The following IMMP2L variants were observed in gnomAD, a reference collection of about 807,000 sequenced individuals.
IMMP2L encodes mitochondrial inner membrane protease subunit 2.
IMMP2L carries 18 observed loss-of-function variants against 19.3 expected under a neutral mutation model. The ratio of observed to expected loss-of-function variants is 0.93; its 90% confidence interval spans 0.64 to 1.38. The LOEUF is 1.38. IMMP2L is among the 40% of genes most tolerant of loss of function. The probability of loss-of-function intolerance (pLI) is 0.00; values close to 1 mark genes in which losing one functional copy is unlikely to be tolerated. For missense variants in IMMP2L, 233 were observed against 218.2 expected, an observed-to-expected ratio of 1.07 and a Z score of -0.43; for synonymous variants, 76 against 73.0, an observed-to-expected ratio of 1.04 and a Z score of -0.21.
At chr7:111,122,806 C>T in intron 3 of IMMP2L, 1 of 1,613,574 alleles carries the variant, frequency 6.2e-7, no homozygotes, top group Non-Finnish European at 8.5e-7. Context: ...TCATGTGCTA[C>T]TTGGCCTAGC....
chr7:110,725,158 C>T (rs904079471), intron 5 of IMMP2L, among the ~76,000 whole-genome samples: 4 of 152,106 alleles, frequency 2.6e-5, no homozygotes, highest in African/African-American at 9.7e-5. Flanking sequence ...TCACTGACAC[C>T]ACAAAGGCAT....
At chr7:111,507,562 A>G (rs1278691905) in intron 2 of IMMP2L, among the ~76,000 whole-genome samples, 1 of 152,126 alleles carries the variant, frequency 6.6e-6, no homozygotes, top group Admixed American at 6.6e-5. Context: ...CCATTTGTCC[A>G]GCGTCTGCCA....
In IMMP2L at chr7:110,711,949, G is replaced by C. The variant is rs1162004592; in HGVS notation, c.409-48228C>G. Reference sequence around the variant, plus strand: ...AAAGTTTTCAACTTCTTTGCCTTTGGTTTGAATGTCCTCCCGTAGCTCAGA... The same window carrying C: ...AAAGTTTTCAACTTCTTTGCCTTTGCTTTGAATGTCCTCCCGTAGCTCAGA... On this transcript the variant is annotated intron_variant, in intron 5 of 5. Coordinates refer to ENST00000405709, the MANE Select transcript of IMMP2L (RefSeq NM_032549.4). 6.3e-5 allele frequency among the ~76,000 whole-genome samples: 2 copies of C among 31,576 alleles called. 1 individual carries two copies. Among genetic ancestry groups the C allele is most frequent in the African/African-American group, 1.7e-4 (2 of 11,700 alleles). 20.7% of individuals were successfully genotyped at this position (31,576 alleles called of 152,430 possible). A position where few individuals can be genotyped will look rare whatever the true frequency, so the allele number is the denominator to read the frequency against.
intron 3 of IMMP2L, among the ~76,000 whole-genome samples, chr7:111,293,049 C>A (rs887081001): frequency 6.6e-6 from 1 of 152,012 alleles, no homozygotes; most frequent in East Asian, 1.9e-4. Flanking sequence ...TCAGTCAGAG[C>A]AGCAGCAAGG....
chr7:111,119,747 T>C (rs1586402744), intron 3 of IMMP2L, among the ~76,000 whole-genome samples: 1 of 152,168 alleles, frequency 6.6e-6, no homozygotes, highest in African/African-American at 2.4e-5. Context: ...TACTACATTA[T>C]AATGATAATG....
At chr7:111,066,519 G>A (rs1012190011) in intron 3 of IMMP2L, among the ~76,000 whole-genome samples, 2 of 152,062 alleles carry the variant, frequency 1.3e-5, no homozygotes, top group South Asian at 2.1e-4. Flanking sequence ...TAAAATAGAC[G>A]GGAACTGTGT....
chr7:111,482,568 C>A (rs536035133), intron 3 of IMMP2L, among the ~76,000 whole-genome samples: 5 of 152,212 alleles, frequency 3.3e-5, no homozygotes, highest in Admixed American at 3.3e-4. Flanking sequence ...AAATTTGACT[C>A]GGTAGACTTA....
At position 111,379,765 on chromosome 7, in the gene IMMP2L, T is replaced by C. The variant is rs759928937; in HGVS notation, c.239+107473A>G. ...CATGTAACTGCCTACTATTTGCTCA[T>C]CAAGTAAATAAGAACTCATTTTAAG... On this transcript the variant is annotated intron_variant, in intron 3 of 5. Transcript: ENST00000405709. Among the ~76,000 whole-genome samples the C allele has an allele frequency of 8.4e-4, 127 of 152,026 alleles. 1 individual carries two copies. Among genetic ancestry groups the C allele is most frequent in the Middle Eastern group, 3.4e-3 (1 of 294 alleles).
intron 3 of IMMP2L, among the ~76,000 whole-genome samples, chr7:111,306,431 G>C (rs1584540894): frequency 6.6e-6 from 1 of 152,162 alleles, no homozygotes; most frequent in East Asian, 1.9e-4. Context: ...GAAAATCTCT[G>C]TATGTTCCGT....
At chr7:111,021,049 A>G (rs193182204) in intron 3 of IMMP2L, among the ~76,000 whole-genome samples, 22 of 152,362 alleles carry the variant, frequency 1.4e-4, no homozygotes, top group Admixed American at 1.2e-3. Flanking sequence ...AATAATGTGT[A>G]GTGATGAAAG....
intron 3 of IMMP2L, among the ~76,000 whole-genome samples, chr7:110,998,721 TG>T (rs1823308529): frequency 6.6e-6 from 1 of 152,126 alleles, no homozygotes; most frequent in Non-Finnish European, 1.5e-5. Context: ...AAGGAAGGAA[TG>T]TTCCAAGTGA....
chr7:111,207,067 T>C (rs1240317120), intron 3 of IMMP2L, among the ~76,000 whole-genome samples: 2 of 152,242 alleles, frequency 1.3e-5, no homozygotes, highest in Non-Finnish European at 2.9e-5. Context: ...GAAGTGTCTC[T>C]CCTTTTGGAA....
intron 3 of IMMP2L, among the ~76,000 whole-genome samples, chr7:111,159,981 T>C (rs966853844): frequency 1.8e-4 from 28 of 152,096 alleles, no homozygotes; most frequent in Non-Finnish European, 5.9e-5. Context: ...GGTATCAACT[T>C]GCACAGTGCA....
chr7:111,205,634 C>A (rs1456634921), intron 3 of IMMP2L, among the ~76,000 whole-genome samples: 2 of 151,448 alleles, frequency 1.3e-5, no homozygotes, highest in African/African-American at 4.9e-5. Flanking sequence ...TAAAAAAAAA[C>A]ATTAAATAAA....
intron 2 of IMMP2L, among the ~76,000 whole-genome samples, chr7:111,497,937 T>A (rs1285653446): frequency 6.6e-6 from 1 of 151,734 alleles, no homozygotes; most frequent in Non-Finnish European, 1.5e-5. Flanking sequence ...TTCTGAAAGG[T>A]GGTATCAATT....
intron 3 of IMMP2L, among the ~76,000 whole-genome samples, chr7:111,445,167 T>C (rs1159541408): frequency 6.6e-6 from 1 of 151,938 alleles, no homozygotes; most frequent in African/African-American, 2.4e-5. Context: ...ATTATCCTTC[T>C]CTAGATTTAT....
chr7:111,040,967 G>A (rs180960734), intron 3 of IMMP2L, among the ~76,000 whole-genome samples: 2 of 151,880 alleles, frequency 1.3e-5, no homozygotes, highest in African/African-American at 4.8e-5. Context: ...CTCAAATATT[G>A]TACTGAGGAA....
At chr7:111,436,548 A>G (rs1837190091) in intron 3 of IMMP2L, among the ~76,000 whole-genome samples, 1 of 151,738 alleles carries the variant, frequency 6.6e-6, no homozygotes, top group African/African-American at 2.4e-5. Flanking sequence ...CACCCCACAC[A>G]TATATGAATA....
At chr7:110,841,342 T>C (rs1300912249) in intron 5 of IMMP2L, among the ~76,000 whole-genome samples, 3 of 151,940 alleles carry the variant, frequency 2.0e-5, no homozygotes, top group African/African-American at 7.2e-5. Flanking sequence ...TTTAATATGA[T>C]GAGATGGATA....
Sources: allele counts gnomAD v4.1 joint callset (sites outside exome capture counted in the v4.1 genomes callset), GRCh38; gene constraint gnomAD v4.1.1; transcripts MANE v1.5; gene names NCBI Gene and HGNC (gene_info 2026-07-23, HGNC 2026-07-21).